GPR149: variants seen among roughly 807,000 people sequenced by gnomAD.
GPR149 encodes G protein-coupled receptor 149.
In GPR149, 50 loss-of-function variants were observed where a neutral mutation model predicts 50.2. That is an observed-to-expected ratio of 1.00 (90% CI 0.79 to 1.26). The LOEUF is 1.26. Among genes scored for constraint, GPR149 ranks in the 50% most tolerant of loss-of-function variants. The probability of loss-of-function intolerance (pLI) is 0.00; values close to 1 mark genes in which losing one functional copy is unlikely to be tolerated. For missense variants in GPR149, 983 were observed against 895.4 expected, an observed-to-expected ratio of 1.10 and a Z score of -1.25; for synonymous variants, 405 against 358.2, an observed-to-expected ratio of 1.13 and a Z score of -1.48.
Position 154,367,567 on chromosome 3 carries a change from C to T in GPR149, c.1624-29296G>A, listed in dbSNP as rs560447368. 3.9e-5 allele frequency among the ~76,000 whole-genome samples: 6 copies of T among 152,320 alleles called. No individual in the cohort carries two copies. In the East Asian group the frequency reaches 1.2e-3, roughly 29 times the overall value. ...TTGTCTTTGTTTCTTGCTCTGGTAA[C>T]ATCTTCCCACTGCACGTATTTCCCT... On this transcript the variant is annotated intron_variant, in intron 3 of 3. Coordinates refer to ENST00000389740, the MANE Select transcript of GPR149 (RefSeq NM_001038705.3).
chr3:154,355,442 G>C (rs578084170), intron 3 of GPR149, among the ~76,000 whole-genome samples: 10 of 152,274 alleles, frequency 6.6e-5, no homozygotes, highest in East Asian at 3.9e-4. Flanking sequence ...AGGGAATTTT[G>C]GATTTAAGTG....
At chr3:154,371,708 G>A (rs1226663240) in intron 3 of GPR149, among the ~76,000 whole-genome samples, 2 of 152,118 alleles carry the variant, frequency 1.3e-5, no homozygotes, top group Non-Finnish European at 2.9e-5. Flanking sequence ...TAACCAGTCA[G>A]GAATCATTAC....
At chr3:154,395,994 C>A (rs1559984213) in intron 3 of GPR149, among the ~76,000 whole-genome samples, 1 of 152,110 alleles carries the variant, frequency 6.6e-6, no homozygotes, top group Non-Finnish European at 1.5e-5. Flanking sequence ...TAGTTTTGAA[C>A]CTAAGTCTAA....
chr3:154,345,215 C>T (rs371908977), intron 3 of GPR149, among the ~76,000 whole-genome samples: 15 of 152,040 alleles, frequency 9.9e-5, no homozygotes, highest in South Asian at 4.1e-4. Flanking sequence ...TTTAACTTTT[C>T]GCACAAAAAA....
chr3:154,428,762 G>GC lies in GPR149; in HGVS notation c.853dup (p.Ala285GlyfsTer2). ...CCGGTTCTCACGCCTGCAGGCTTCA[G>GC]CCCCAGCGGCAGCGGGCGCACCCGG... On this transcript the variant is annotated frameshift_variant, in exon 1 of 4. Coordinates refer to ENST00000389740, the MANE Select transcript of GPR149 (RefSeq NM_001038705.3). LOFTEE classifies it high-confidence loss of function. 1 of 1,613,920 alleles carries GC rather than the reference G, an allele frequency of 6.2e-7. No individual in the cohort carries two copies. Among genetic ancestry groups the GC allele is most frequent in the South Asian group, 1.1e-5 (1 of 91,080 alleles).
chr3:154,355,254 C>T (rs1714190921), intron 3 of GPR149, among the ~76,000 whole-genome samples: 2 of 152,174 alleles, frequency 1.3e-5, no homozygotes, highest in Admixed American at 6.5e-5. Context: ...TCTCAAACTC[C>T]TGACCTCGTG....
chr3:154,382,891 T>C (rs1714962167), intron 3 of GPR149, among the ~76,000 whole-genome samples: 1 of 152,218 alleles, frequency 6.6e-6, no homozygotes. Context: ...ATTCAAAAAA[T>C]TGCTCCTTCA....
Position 154,429,045 on chromosome 3 carries a change from C to A in GPR149, c.571G>T (p.Val191Leu), listed in dbSNP as rs773432335. 3.1e-6 allele frequency: 5 copies of A among 1,613,980 alleles called. No homozygotes were observed. The highest frequency in any genetic ancestry group is 1.7e-4 in the Middle Eastern group (1 of 6,060). The change falls in exon 1 of 4, where the codon GTA (valine) becomes TTA (leucine). Residue 191 changes from valine to leucine, a missense_variant. Val to Leu is a conservative substitution (Grantham distance 32). Coordinates refer to ENST00000389740, the MANE Select transcript of GPR149 (RefSeq NM_001038705.3). Reference protein sequence around the residue: ...GCLVDCSSSYVLFLSIVYALA... With the variant: ...GCLVDCSSSYLLFLSIVYALA... The stretch of plus-strand genomic sequence containing the variant: ...GCGTACACGATAGAGAGGAATAGTA[C>A]GTAGGAGCTGGAGCAGTCCACCAGG...
chr3:154,408,324 C>T (rs1469921193), intron 3 of GPR149, among the ~76,000 whole-genome samples: 2 of 152,138 alleles, frequency 1.3e-5, no homozygotes, highest in African/African-American at 4.8e-5. Context: ...CAAAAGAATC[C>T]ACAGACCCAC....
intron 2 of GPR149, among the ~76,000 whole-genome samples, 198 bp downstream of exon 2, chr3:154,427,318 T>G (rs75158728): frequency 0.016 from 2,374 of 152,178 alleles, 64 homozygotes; most frequent in African/African-American, 0.054. Context: ...ATGGGGTTTT[T>G]CAAAACCAGC....
intron 2 of GPR149, among the ~76,000 whole-genome samples, chr3:154,422,557 A>G (rs1260109188): frequency 6.6e-6 from 1 of 151,734 alleles, no homozygotes; most frequent in Non-Finnish European, 1.5e-5. Context: ...AGATAAGTAA[A>G]ATTTGATCCA....
chr3:154,396,908 A>AT (rs1320487486), intron 3 of GPR149, among the ~76,000 whole-genome samples: 1 of 151,250 alleles, frequency 6.6e-6, no homozygotes, highest in African/African-American at 2.4e-5. Context: ...TTATATATAT[A>AT]TTTTTTGTCA....
At chr3:154,398,579 A>T (rs1258205089) in intron 3 of GPR149, among the ~76,000 whole-genome samples, 1 of 152,168 alleles carries the variant, frequency 6.6e-6, no homozygotes, top group Non-Finnish European at 1.5e-5. Context: ...CTTTGAGTAC[A>T]ATTTAAAAAG....
At chr3:154,395,932 G>A (rs2108415296) in intron 3 of GPR149, among the ~76,000 whole-genome samples, 1 of 152,202 alleles carries the variant, frequency 6.6e-6, no homozygotes, top group East Asian at 1.9e-4. Flanking sequence ...GATTCCTTAG[G>A]CTCAGATAGA....
chr3:154,354,822 C>CTGTGCGTGGAGGGA, intron 3 of GPR149: 1 of 520,884 alleles, frequency 1.9e-6, no homozygotes, highest in Non-Finnish European at 2.9e-6. Context: ...CCTCCCTCCA[C>CTGTGCGTGGAGGGA]GCACAGTGGC....
At chr3:154,418,476 T>G (rs2108427794) in intron 3 of GPR149, among the ~76,000 whole-genome samples, 1 of 90,980 alleles carries the variant, frequency 1.1e-5, no homozygotes, top group Non-Finnish European at 2.2e-5. Flanking sequence ...CATGGAATAC[T>G]ATGCAGCCAT....
intron 3 of GPR149, chr3:154,353,893 C>T (rs535935313): frequency 3.6e-6 from 2 of 563,270 alleles, no homozygotes; most frequent in Admixed American, 2.7e-5. Context: ...GCTTTACAGT[C>T]TCTTCAGAAA....
At position 154,421,398 on chromosome 3, in the gene GPR149, C is replaced by T. The variant is rs1712140928; in HGVS notation, c.1264G>A (p.Glu422Lys). The T allele has an allele frequency of 2.5e-6, 4 of 1,610,396 alleles. No individual in the cohort carries two copies. The African/African-American group carries it at 5.3e-5, about 21-fold the overall frequency. ...IAHEDYYDDD[E>K]NSIFYHNLMN... ...AGGTTGTGATAGAATATGGAATTTTCATCATCATCATAGTAATCTTCATGT... is the reference window on the plus strand; with the variant it reads ...AGGTTGTGATAGAATATGGAATTTTTATCATCATCATAGTAATCTTCATGT... Residue 422 changes from glutamate to lysine, a missense_variant, in exon 3 of 4, where the codon GAA (glutamate) becomes AAA (lysine). Glu to Lys is a moderately conservative substitution (Grantham distance 56). Coordinates refer to ENST00000389740, the MANE Select transcript of GPR149 (RefSeq NM_001038705.3).
At chr3:154,426,393 G>A (rs180717701) in intron 2 of GPR149, among the ~76,000 whole-genome samples, 2 of 152,280 alleles carry the variant, frequency 1.3e-5, no homozygotes, top group East Asian at 3.9e-4. Flanking sequence ...TGATGGCAGA[G>A]TATACTTTGA....
Sources: gnomAD v4.1 joint callset for allele counts (sites outside exome capture counted in the v4.1 genomes callset) on GRCh38, gnomAD v4.1.1 for gene constraint, MANE v1.5 for transcripts, NCBI Gene and HGNC (gene_info 2026-07-23, HGNC 2026-07-21) for gene names.